Variants in ZNF609 observed in about 807,000 individuals in gnomAD.
ZNF609 encodes zinc finger protein 609.
In ZNF609, 11 loss-of-function variants were observed where a neutral mutation model predicts 109.5. That is an observed-to-expected ratio of 0.10 (90% CI 0.06 to 0.17). The LOEUF (loss-of-function observed/expected upper bound fraction) is 0.17. ZNF609 is among the 10% of genes least tolerant of loss of function. ZNF609 has a pLI of 1.00. For synonymous variants in ZNF609, 646 were observed against 662.0 expected (o/e 0.98, Z 0.37); for missense variants, 1,559 against 1,772.4 (o/e 0.88, Z 2.16).
chr15:64,492,197 C>G (rs1463466926), intron 1 of ZNF609, among the ~76,000 whole-genome samples: 1 of 150,976 alleles, frequency 6.6e-6, no homozygotes, highest in Non-Finnish European at 1.5e-5. Context: ...GAGCCGAGAT[C>G]ACGCCACTGC....
chr15:64,510,676 GCTA>G (rs1332423579), intron 2 of ZNF609, among the ~76,000 whole-genome samples: 1 of 152,078 alleles, frequency 6.6e-6, no homozygotes, highest in African/African-American at 2.4e-5. Flanking sequence ...TTAAAAGGAG[GCTA>G]CTACTTTTTT....
At position 64,678,584 on chromosome 15, in the gene ZNF609, G is replaced by T. The variant is rs978623514; in HGVS notation, c.3769+102G>T. 4.0e-6 allele frequency: 6 copies of T among 1,486,854 alleles called. No individual in the cohort carries two copies. The South Asian group carries it at 4.2e-5, about 10-fold the overall frequency. The allele number at this position is 1,486,854 out of a possible 1,614,324, so 92.1% of individuals were successfully genotyped here. A position where few individuals can be genotyped will look rare whatever the true frequency, so the allele number is the denominator to read the frequency against. ...TTGCTCAGCCCCAAGGCATATTGAG[G>T]CTCGCTTAGATGACGGACCTTTTTT... is the stretch of plus-strand genomic sequence containing the variant. On this transcript the variant is annotated intron_variant, in intron 6 of 9. Coordinates refer to ENST00000326648, the MANE Select transcript of ZNF609 (RefSeq NM_015042.2).
chr15:64,583,938 G>C (rs559022249), intron 2 of ZNF609, among the ~76,000 whole-genome samples: 1 of 152,082 alleles, frequency 6.6e-6, no homozygotes, highest in Non-Finnish European at 1.5e-5. Context: ...AATTTTATAA[G>C]CTTAGGTTTC....
At chr15:64,481,845 C>G (rs1016425407) in intron 1 of ZNF609, among the ~76,000 whole-genome samples, 1 of 152,074 alleles carries the variant, frequency 6.6e-6, no homozygotes, top group African/African-American at 2.4e-5. Context: ...AGTACAGTGG[C>G]ACGATCTCGG....
intron 2 of ZNF609, among the ~76,000 whole-genome samples, chr15:64,532,259 C>G (rs991390395): frequency 1.1e-4 from 16 of 152,170 alleles, no homozygotes; most frequent in Non-Finnish European, 2.9e-5. Flanking sequence ...TCCTTTTATC[C>G]TATCCCATTA....
chr15:64,640,111 C>A (rs934255206), intron 3 of ZNF609, among the ~76,000 whole-genome samples: 2 of 152,052 alleles, frequency 1.3e-5, no homozygotes, highest in African/African-American at 4.8e-5. Context: ...TTAGTAGAGA[C>A]AGTGTTTCAC....
At chr15:64,653,926 C>G (rs891308064) in intron 3 of ZNF609, 1 of 152,170 alleles carries the variant, frequency 6.6e-6, no homozygotes, top group African/African-American at 2.4e-5. Flanking sequence ...ACCCCTTACT[C>G]TGAAAGGTTG....
At chr15:64,628,041 T>C (rs1421234483) in intron 3 of ZNF609, among the ~76,000 whole-genome samples, 1 of 150,850 alleles carries the variant, frequency 6.6e-6, no homozygotes, top group African/African-American at 2.4e-5. Flanking sequence ...GGGAGGCTGA[T>C]GCAGATGGAT....
At chr15:64,607,736 C>T (rs547122372) in intron 2 of ZNF609, among the ~76,000 whole-genome samples, 68 of 151,962 alleles carry the variant, frequency 4.5e-4, no homozygotes, top group Non-Finnish European at 7.4e-4. Context: ...AACTCCTGAA[C>T]TTAGGTGATC....
chr15:64,564,239 G>GTACT (rs1894738338), intron 2 of ZNF609, among the ~76,000 whole-genome samples: 1 of 151,930 alleles, frequency 6.6e-6, no homozygotes, highest in Non-Finnish European at 1.5e-5. Context: ...GTAAGGTTAG[G>GTACT]TACTATTCGT....
chr15:64,625,930 T>TAGAG (rs1404953767), intron 3 of ZNF609, among the ~76,000 whole-genome samples: 33 of 72,782 alleles, frequency 4.5e-4, no homozygotes, highest in African/African-American at 1.4e-3. Context: ...TATATATATA[T>TAGAG]ATATATAGAG....
intron 2 of ZNF609, among the ~76,000 whole-genome samples, chr15:64,617,428 G>T (rs569709922): frequency 6.6e-6 from 1 of 152,064 alleles, no homozygotes; most frequent in African/African-American, 2.4e-5. Flanking sequence ...AGAGGTTGAG[G>T]CTGCAGTGAA....
chr15:64,463,668 T>A (rs180762497), intron 1 of ZNF609, among the ~76,000 whole-genome samples: 67 of 152,336 alleles, frequency 4.4e-4, no homozygotes, highest in African/African-American at 1.5e-3. Context: ...TTTCTTTAAA[T>A]GATGGCCTGC....
At chr15:64,651,566 G>A (rs765554448) in intron 3 of ZNF609, among the ~76,000 whole-genome samples, 3 of 152,210 alleles carry the variant, frequency 2.0e-5, no homozygotes, top group Non-Finnish European at 4.4e-5. Context: ...TGCAGTAGAT[G>A]CCTGCTATTA....
At chr15:64,542,443 C>G (rs1251650982) in intron 2 of ZNF609, among the ~76,000 whole-genome samples, 1 of 152,184 alleles carries the variant, frequency 6.6e-6, no homozygotes, top group Non-Finnish European at 1.5e-5. Context: ...GTTATTTTCT[C>G]TCATCATCAT....
In ZNF609 at chr15:64,577,378, CAT is replaced by C. The variant is rs536936917; in HGVS notation, c.748-45445_748-45444del. Reference sequence around the variant, plus strand: ...ATACACATATATGTATATATATACACATATAAATATATACACATATATGTATA... The same window carrying C: ...ATACACATATATGTATATATATACACATAAATATATACACATATATGTATA... On this transcript the variant is annotated intron_variant, in intron 2 of 9. Coordinates refer to ENST00000326648, the MANE Select transcript of ZNF609 (RefSeq NM_015042.2). Among the ~76,000 whole-genome samples, 129 of 14,872 alleles carry C rather than the reference CAT, an allele frequency of 8.7e-3. 56 individuals carry two copies. Among genetic ancestry groups the C allele is most frequent in the South Asian group, 0.027 (36 of 1,356 alleles). 9.8% of individuals were successfully genotyped at this position (14,872 alleles called of 152,430 possible).
chr15:64,470,946 T>A (rs958022634), intron 1 of ZNF609, among the ~76,000 whole-genome samples: 4 of 152,266 alleles, frequency 2.6e-5, no homozygotes, highest in African/African-American at 9.6e-5. Context: ...TATTAATACT[T>A]ATTGAATAGT....
intron 1 of ZNF609, among the ~76,000 whole-genome samples, chr15:64,497,600 C>T (rs56093925): frequency 0.13 from 19,021 of 152,024 alleles, 1,868 homozygotes; most frequent in African/African-American, 0.28. Flanking sequence ...TACTCAATTA[C>T]CTTATAAAAA....
chr15:64,609,064 T>TTTCTTTC (rs1895661659), intron 2 of ZNF609, among the ~76,000 whole-genome samples: 3 of 119,032 alleles, frequency 2.5e-5, no homozygotes, highest in South Asian at 7.0e-4. Flanking sequence ...TAGTTTTAAT[T>TTTCTTTC]TTTCTTTCTT....
Sources: allele counts gnomAD v4.1 joint callset (sites outside exome capture counted in the v4.1 genomes callset), GRCh38; gene constraint gnomAD v4.1.1; transcripts MANE v1.5; gene names NCBI Gene and HGNC (gene_info 2026-07-23, HGNC 2026-07-21).